IMMP1L: variants seen among roughly 807,000 people sequenced by gnomAD.
IMMP1L encodes inner mitochondrial membrane peptidase subunit 1, also known as mitochondrial inner membrane protease subunit 1.
In IMMP1L, 24 loss-of-function variants were observed where a neutral mutation model predicts 21.8. The ratio of observed to expected loss-of-function variants is 1.10; its 90% confidence interval spans 0.80 to 1.55. The LOEUF is 1.55. Among genes scored for constraint, IMMP1L ranks in the 40% most tolerant of loss-of-function variants. The pLI, the probability that IMMP1L is intolerant of heterozygous loss-of-function variation, is 0.00. For synonymous variants in IMMP1L, 46 were observed against 62.8 expected, an observed-to-expected ratio of 0.73 and a Z score of 1.26; for missense variants, 195 against 200.7, an observed-to-expected ratio of 0.97 and a Z score of 0.17.
chr11:31,449,796 A>C (rs1953677805), intron 4 of IMMP1L, among the ~76,000 whole-genome samples: 1 of 152,184 alleles, frequency 6.6e-6, no homozygotes, highest in Non-Finnish European at 1.5e-5. Context: ...GGTACCAAAG[A>C]CAACCAAAAA....
intron 2 of IMMP1L, 43 bp downstream of exon 2, chr11:31,463,129 A>G: frequency 6.9e-7 from 1 of 1,458,602 alleles, no homozygotes; most frequent in Non-Finnish European, 9.2e-7. Context: ...ATTTGAAAGA[A>G]AGTATATATT....
intron 1 of IMMP1L, among the ~76,000 whole-genome samples, chr11:31,491,343 G>T (rs1955249771): frequency 6.6e-6 from 1 of 152,150 alleles, no homozygotes. Context: ...ACAGAATGTT[G>T]ACAGAAATAG....
chr11:31,437,830 T>C (rs1378147541), intron 4 of IMMP1L, among the ~76,000 whole-genome samples: 1 of 152,196 alleles, frequency 6.6e-6, no homozygotes, highest in African/African-American at 2.4e-5. Context: ...TTGCTTAATT[T>C]CATATAAATG....
At chr11:31,468,380 G>A (rs1954433608) in intron 1 of IMMP1L, among the ~76,000 whole-genome samples, 1 of 152,190 alleles carries the variant, frequency 6.6e-6, no homozygotes, top group East Asian at 1.9e-4. Context: ...GAGAGATGAA[G>A]ACAAATTGAT....
At position 31,509,530 on chromosome 11, in the gene IMMP1L, A is replaced by T; in HGVS notation, c.-41T>A. 1 of 550,378 alleles carries T rather than the reference A, an allele frequency of 1.8e-6. No homozygotes were observed. The allele number at this position is 550,378 out of a possible 1,614,324, so 34.1% of individuals were successfully genotyped here. On this transcript the variant is annotated 5_prime_UTR_variant, in exon 1 of 6. The change creates a new upstream start codon in the 5' untranslated region. Transcript: ENST00000532287. ...GTGATATTACCTACCTCGGGCCCCA[A>T]AGAACCCTGGAGACCCTCAACCAGG...
chr11:31,480,569 C>T (rs1008708213), intron 1 of IMMP1L, among the ~76,000 whole-genome samples: 1 of 151,946 alleles, frequency 6.6e-6, no homozygotes, highest in Non-Finnish European at 1.5e-5. Flanking sequence ...TTTTCATAAT[C>T]ATTCCTTTAT....
At chr11:31,503,575 A>G (rs1955693320) in intron 1 of IMMP1L, among the ~76,000 whole-genome samples, 1 of 152,216 alleles carries the variant, frequency 6.6e-6, no homozygotes, top group Non-Finnish European at 1.5e-5. Flanking sequence ...AGCAATAAAT[A>G]AAAGAAGAAA....
At chr11:31,485,915 C>CAA in intron 1 of IMMP1L, among the ~76,000 whole-genome samples, 1 of 151,792 alleles carries the variant, frequency 6.6e-6, no homozygotes, top group South Asian at 2.1e-4. Flanking sequence ...TTTAAGAGAA[C>CAA]AAAGACACAC....
chr11:31,474,776 T>C (rs1954673739), intron 1 of IMMP1L, among the ~76,000 whole-genome samples: 1 of 152,212 alleles, frequency 6.6e-6, no homozygotes, highest in African/African-American at 2.4e-5. Context: ...AAGCAGTGAA[T>C]ACTGCTTCAA....
At chr11:31,447,871 CTAAGAT>C (rs1333219721) in intron 4 of IMMP1L, among the ~76,000 whole-genome samples, 4 of 151,990 alleles carry the variant, frequency 2.6e-5, no homozygotes, top group Non-Finnish European at 4.4e-5. Context: ...TTTTTATGGG[CTAAGAT>C]TAAGTTGTTC....
At chr11:31,471,785 C>A (rs1042305416) in intron 1 of IMMP1L, among the ~76,000 whole-genome samples, 1 of 152,110 alleles carries the variant, frequency 6.6e-6, no homozygotes, top group Non-Finnish European at 1.5e-5. Flanking sequence ...TACTAGTATT[C>A]CATTGGTGCC....
chr11:31,433,472 T>G lies in IMMP1L; in HGVS notation c.420A>C (p.Arg140=). The change falls in exon 5 of 6, where the codon CGA becomes CGC. Residue 140 remains arginine, a synonymous_variant. Coordinates refer to ENST00000532287, the MANE Select transcript of IMMP1L (RefSeq NM_001304274.2). ...GPIPYGLIRG[R]IFFKIWPLSD... is the part of the protein sequence containing the mutation. ...CAGAAAATGGTACCTTAAAGAAGAT[T>G]CGTCCTCTTATTAGTCCATATGGAA... is the stretch of plus-strand genomic sequence containing the variant. 2 of 1,571,078 alleles carry G rather than the reference T, an allele frequency of 1.3e-6. No individual in the cohort carries two copies. Among genetic ancestry groups the G allele is most frequent in the Non-Finnish European group, 1.7e-6 (2 of 1,152,790 alleles).
chr11:31,497,460 CTTTTTTT>C (rs796666845), intron 1 of IMMP1L, among the ~76,000 whole-genome samples: 5 of 124,000 alleles, frequency 4.0e-5, no homozygotes, highest in Non-Finnish European at 8.5e-5. Context: ...TATTTCTTTT[CTTTTTTT>C]TTTTTTTTTT....
At chr11:31,450,259 C>T (rs1379542788) in intron 4 of IMMP1L, among the ~76,000 whole-genome samples, 1 of 152,168 alleles carries the variant, frequency 6.6e-6, no homozygotes, top group Non-Finnish European at 1.5e-5. Context: ...CACACAACCT[C>T]ATTAGTAGGC....
rs553013731 is a variant in IMMP1L at position 31,487,959 on chromosome 11, C to A, written c.-30+21560G>T. On this transcript the variant is annotated intron_variant, in intron 1 of 5. Coordinates refer to ENST00000532287, the MANE Select transcript of IMMP1L (RefSeq NM_001304274.2). ...TACTATTGGTTTTTGTGAATGTAGC[C>A]AAAGATTCCCCTCCTTAGTGGGTCC... Among the ~76,000 whole-genome samples, 5 of 152,148 alleles carry A rather than the reference C, an allele frequency of 3.3e-5. No homozygotes were observed. In the South Asian group the frequency reaches 1.0e-3, roughly 32 times the overall value.
chr11:31,473,327 G>A (rs1954630273), intron 1 of IMMP1L, among the ~76,000 whole-genome samples: 1 of 152,176 alleles, frequency 6.6e-6, no homozygotes, highest in South Asian at 2.1e-4. Flanking sequence ...GGGATTACAG[G>A]CATGAGCCAC....
intron 4 of IMMP1L, among the ~76,000 whole-genome samples, chr11:31,438,931 C>A (rs1953218197): frequency 6.6e-6 from 1 of 152,150 alleles, no homozygotes; most frequent in African/African-American, 2.4e-5. Context: ...ATATTTTCAT[C>A]CTCATCAGTG....
chr11:31,495,327 ACTGTTCCAACCTCTGCCTGTTACC>A (rs1057292284), intron 1 of IMMP1L, among the ~76,000 whole-genome samples: 1 of 151,900 alleles, frequency 6.6e-6, no homozygotes, highest in Non-Finnish European at 1.5e-5. Flanking sequence ...AGCCCTCCAA[ACTGTTCCAACCTCTGCCTGTTACC>A]CTGTTCCAAA....
At chr11:31,435,604 A>G (rs1220277587) in intron 4 of IMMP1L, among the ~76,000 whole-genome samples, 2 of 152,210 alleles carry the variant, frequency 1.3e-5, no homozygotes, top group African/African-American at 4.8e-5. Context: ...TTGTCTTATG[A>G]GTGAAGCTGA....
Sources: gnomAD v4.1 joint callset for allele counts (sites outside exome capture counted in the v4.1 genomes callset) on GRCh38, gnomAD v4.1.1 for gene constraint, MANE v1.5 for transcripts, NCBI Gene and HGNC (gene_info 2026-07-23, HGNC 2026-07-21) for gene names.